MARCHF1: variants seen among roughly 807,000 people sequenced by gnomAD.
The protein encoded by MARCHF1 is E3 ubiquitin-protein ligase MARCHF1.
In MARCHF1, 40 loss-of-function variants were observed where a neutral mutation model predicts 54.2. The ratio of observed to expected loss-of-function variants is 0.74; its 90% CI spans 0.57 to 0.96. The LOEUF is 0.96. MARCHF1 is among the 40% of genes least tolerant of loss of function. MARCHF1 has a pLI of 0.00. For synonymous variants in MARCHF1, 236 were observed against 236.3 expected (o/e 1.00, Z 0.01); for missense variants, 586 against 656.5 (o/e 0.89, Z 1.17).
rs547912046 is a variant in MARCHF1 at position 164,162,779 on chromosome 4, C to T, written c.-322-51117G>A. On this transcript the variant is annotated intron_variant, in intron 1 of 9. Transcript: ENST00000514618. The stretch of plus-strand genomic sequence containing the variant: ...GACTCAATTATCTAATACAAGAGCT[C>T]AGGAAATTCAAAGCAGGCTAAATAA... Among the ~76,000 whole-genome samples, 6 of 152,066 alleles carry T rather than the reference C, an allele frequency of 3.9e-5. No homozygotes were observed. In the South Asian group the frequency reaches 1.2e-3, roughly 32 times the overall value.
At chr4:163,833,060 T>A (rs1749076845) in intron 4 of MARCHF1, among the ~76,000 whole-genome samples, 2 of 151,990 alleles carry the variant, frequency 1.3e-5, no homozygotes, top group Admixed American at 6.6e-5. Flanking sequence ...TACGTGTGCA[T>A]GTGTCTTCAT....
At chr4:163,772,771 C>CAATTGTCCCTTACTATT (rs1747197842) in intron 4 of MARCHF1, among the ~76,000 whole-genome samples, 1 of 13,064 alleles carries the variant, frequency 7.7e-5, no homozygotes, top group African/African-American at 1.1e-4. Context: ...CCCCCTTTCT[C>CAATTGTCCCTTACTATT]ATCTCAGCAA....
At chr4:163,967,302 C>G (rs921384254) in intron 3 of MARCHF1, among the ~76,000 whole-genome samples, 1 of 152,046 alleles carries the variant, frequency 6.6e-6, no homozygotes, top group African/African-American at 2.4e-5. Context: ...AGAGATCAGT[C>G]AGGAGCAGTG....
In MARCHF1 at chr4:163,567,226, G is replaced by A. The variant is rs549779465; in HGVS notation, c.1191+18523C>T. Among the ~76,000 whole-genome samples, 230 of 152,110 alleles carry A rather than the reference G, an allele frequency of 1.5e-3. 2 individuals carry two copies. The highest frequency in any genetic ancestry group is 5.4e-3 in the African/African-American group (223 of 41,510). On this transcript the variant is annotated intron_variant, in intron 8 of 9. Transcript: ENST00000514618. Reference sequence around the variant, plus strand: ...GCAGTAAGAAATGAAGTGTGGCAGAGTAATTCTATATTAAAAAAAAAGAAC... The same window carrying A: ...GCAGTAAGAAATGAAGTGTGGCAGAATAATTCTATATTAAAAAAAAAGAAC...
At chr4:163,965,067 A>C (rs1311360939) in intron 3 of MARCHF1, among the ~76,000 whole-genome samples, 1 of 151,976 alleles carries the variant, frequency 6.6e-6, no homozygotes, top group African/African-American at 2.4e-5. Context: ...CAAATGAAAC[A>C]CCAGTGTTAT....
chr4:164,101,712 T>G (rs1443378801), intron 2 of MARCHF1, among the ~76,000 whole-genome samples: 5 of 129,172 alleles, frequency 3.9e-5, no homozygotes, highest in African/African-American at 1.1e-4. Flanking sequence ...GCGCCTCTCC[T>G]CCTCCAAAGG....
chr4:164,319,004 T>C (rs1467954747), intron 1 of MARCHF1, among the ~76,000 whole-genome samples: 3 of 152,162 alleles, frequency 2.0e-5, no homozygotes, highest in South Asian at 4.1e-4. Context: ...AAGAACCTCT[T>C]CAGGTTTTGT....
intron 1 of MARCHF1, among the ~76,000 whole-genome samples, chr4:164,146,353 C>T (rs1029516200): frequency 6.0e-5 from 9 of 149,816 alleles, no homozygotes; most frequent in Non-Finnish European, 7.4e-5. Flanking sequence ...AAAAAAGAGC[C>T]TGCATCGCCA....
chr4:163,629,820 T>C (rs545200213), intron 5 of MARCHF1, among the ~76,000 whole-genome samples: 157 of 152,292 alleles, frequency 1.0e-3, no homozygotes, highest in African/African-American at 3.7e-3. Flanking sequence ...ATCCCAGAAC[T>C]TAAAATATAA....
rs775172720 is a variant in MARCHF1, at chr4:164,116,586, GTAAATT to G, written c.-322-4930_-322-4925del. Among the ~76,000 whole-genome samples, 448 of 151,324 alleles carry G rather than the reference GTAAATT, an allele frequency of 3.0e-3. 3 individuals are homozygous for G. The highest frequency in any genetic ancestry group is 4.1e-3 in the Non-Finnish European group (276 of 68,008). ...CTAATACAGTAGCCACTAGCCACGT[GTAAATT>G]TAAATTTAAGTAGTTAAAATTAAAT... is the stretch of plus-strand genomic sequence containing the variant. On this transcript the variant is annotated intron_variant, in intron 1 of 9. Transcript: ENST00000514618.
chr4:164,330,687 G>C (rs1735412664), intron 1 of MARCHF1, among the ~76,000 whole-genome samples: 1 of 152,146 alleles, frequency 6.6e-6, no homozygotes. Flanking sequence ...GAAGGCAGTA[G>C]GGGTCCTTTG....
chr4:164,131,788 G>A (rs1756306274), intron 1 of MARCHF1, among the ~76,000 whole-genome samples: 1 of 152,062 alleles, frequency 6.6e-6, no homozygotes, highest in Admixed American at 6.6e-5. Flanking sequence ...CGCCTGAGAA[G>A]TTTTCAGTGA....
intron 1 of MARCHF1, among the ~76,000 whole-genome samples, chr4:164,182,668 T>C (rs1730863697): frequency 6.6e-6 from 1 of 151,876 alleles, no homozygotes; most frequent in South Asian, 2.1e-4. Flanking sequence ...TTTACAATCA[T>C]ATATTTTAAA....
chr4:163,983,775 T>C (rs183234025), intron 3 of MARCHF1, among the ~76,000 whole-genome samples: 106 of 152,268 alleles, frequency 7.0e-4, no homozygotes, highest in Admixed American at 4.1e-3. Context: ...TAAGGAACTT[T>C]CTGATTCTGG....
chr4:163,695,111 T>TA (rs1744579004), intron 5 of MARCHF1, among the ~76,000 whole-genome samples: 1 of 152,120 alleles, frequency 6.6e-6, no homozygotes, highest in Non-Finnish European at 1.5e-5. Flanking sequence ...GATCTCTCAA[T>TA]AAATCAGAAC....
intron 1 of MARCHF1, among the ~76,000 whole-genome samples, chr4:164,167,516 C>T (rs7688894): frequency 0.19 from 28,708 of 151,440 alleles, 4,363 homozygotes; most frequent in African/African-American, 0.41. Flanking sequence ...CATCAACTTC[C>T]TGATTCCAAA....
intron 4 of MARCHF1, among the ~76,000 whole-genome samples, chr4:163,755,249 T>G (rs1462662289): frequency 6.6e-6 from 1 of 152,158 alleles, no homozygotes; most frequent in Non-Finnish European, 1.5e-5. Flanking sequence ...TCCAAGCCAA[T>G]AAAATATGTA....
intron 4 of MARCHF1, among the ~76,000 whole-genome samples, chr4:163,848,716 G>A (rs1443283811): frequency 2.6e-5 from 4 of 152,052 alleles, no homozygotes; most frequent in Admixed American, 6.6e-5. Flanking sequence ...GCCACTTCCC[G>A]CCCTTAGGTT....
intron 1 of MARCHF1, among the ~76,000 whole-genome samples, chr4:164,311,964 C>T (rs1734860523): frequency 6.6e-6 from 1 of 152,102 alleles, no homozygotes; most frequent in Non-Finnish European, 1.5e-5. Flanking sequence ...CATTTTGCTT[C>T]CCTTTGATCC....
Sources: gnomAD v4.1 joint callset for allele counts (sites outside exome capture counted in the v4.1 genomes callset) on GRCh38, gnomAD v4.1.1 for gene constraint, MANE v1.5 for transcripts, NCBI Gene and HGNC (gene_info 2026-07-23, HGNC 2026-07-21) for gene names.